UBAC2: variants seen among roughly 807,000 people sequenced by gnomAD.
The protein encoded by UBAC2 is ubiquitin-associated domain-containing protein 2.
A neutral mutation model predicts 44.0 loss-of-function variants in UBAC2; 26 were observed. The ratio of observed to expected loss-of-function variants is 0.59; its 90% CI spans 0.43 to 0.82. UBAC2 has a LOEUF of 0.82. Ranked by LOEUF, UBAC2 falls within the 40% of genes least tolerant of loss-of-function variation. The probability of loss-of-function intolerance (pLI) is 0.00; values close to 1 mark genes in which losing one functional copy is unlikely to be tolerated. For missense variants in UBAC2, 329 were observed against 419.4 expected, an observed-to-expected ratio of 0.78 and a Z score of 1.88; for synonymous variants, 155 against 154.3, an observed-to-expected ratio of 1.00 and a Z score of -0.04.
rs1566510620 is a variant in UBAC2, at chr13:99,340,317, T to C, written c.562-3T>C. The C allele has an allele frequency of 6.2e-7, 1 of 1,613,004 alleles. No individual in the cohort carries two copies. ...ACAATCACATTGGACGTTTTTCTTC[T>C]AGATGTCCGGTCTGTGCTACGACAG... On this transcript the variant is annotated splice_polypyrimidine_tract_variant and splice_region_variant and intron_variant, in intron 6 of 8. Coordinates refer to ENST00000403766, the MANE Select transcript of UBAC2 (RefSeq NM_001144072.2).
chr13:99,380,788 A>G (rs1271644150), intron 8 of UBAC2, among the ~76,000 whole-genome samples: 1 of 152,252 alleles, frequency 6.6e-6, no homozygotes, highest in African/African-American at 2.4e-5. Flanking sequence ...CTGTGCTAAC[A>G]TTATTGCTAC....
At chr13:99,237,249 T>A (rs943010023) in intron 1 of UBAC2, among the ~76,000 whole-genome samples, 4 of 109,408 alleles carry the variant, frequency 3.7e-5, no homozygotes, top group Non-Finnish European at 7.5e-5. Context: ...AAGAAAATTT[T>A]ATGCGTATAT....
At chr13:99,383,310 T>C (rs1464522297) in intron 8 of UBAC2, among the ~76,000 whole-genome samples, 2 of 152,270 alleles carry the variant, frequency 1.3e-5, no homozygotes, top group African/African-American at 4.8e-5. Flanking sequence ...TCTAGGACAG[T>C]ACATATCTCT....
In UBAC2 at chr13:99,347,325, C is replaced by CG. The variant is rs2045002811; in HGVS notation, c.807+6760_807+6761insG. ...GACGTTACTATCCCCGGGCGCCCCC[C>CG]CCCCCCCCCAGGAAAAAAAAGGCAA... On this transcript the variant is annotated intron_variant, in intron 7 of 8. Transcript: ENST00000403766. Among the ~76,000 whole-genome samples the CG allele has an allele frequency of 5.1e-5, 4 of 77,934 alleles. 2 individuals are homozygous for CG. Among genetic ancestry groups the CG allele is most frequent in the Non-Finnish European group, 1.6e-4 (4 of 25,574 alleles). 51.1% of individuals were successfully genotyped at this position (77,934 alleles called of 152,430 possible).
chr13:99,211,530 C>T (rs990235800), intron 1 of UBAC2, among the ~76,000 whole-genome samples: 3 of 152,184 alleles, frequency 2.0e-5, no homozygotes, highest in African/African-American at 4.8e-5. Flanking sequence ...TAAAATACTA[C>T]GTGTTAGGCA....
At chr13:99,354,916 G>A (rs977411588) in intron 7 of UBAC2, among the ~76,000 whole-genome samples, 1 of 151,798 alleles carries the variant, frequency 6.6e-6, no homozygotes, top group African/African-American at 2.4e-5. Flanking sequence ...GGGAAAATCA[G>A]TAGTCCTTCA....
chr13:99,336,017 T>C (rs767758132), intron 6 of UBAC2, among the ~76,000 whole-genome samples: 1 of 151,452 alleles, frequency 6.6e-6, no homozygotes, highest in Non-Finnish European at 1.5e-5. Flanking sequence ...AAAAAAGAGA[T>C]AAAACTGGAT....
chr13:99,271,582 T>G (rs1482002704), intron 4 of UBAC2, among the ~76,000 whole-genome samples: 1 of 152,182 alleles, frequency 6.6e-6, no homozygotes, highest in Non-Finnish European at 1.5e-5. Flanking sequence ...TGTTGGCCTG[T>G]GCTTTCTTTT....
intron 4 of UBAC2, among the ~76,000 whole-genome samples, chr13:99,281,963 A>AT (rs1291550818): frequency 6.6e-6 from 1 of 152,218 alleles, no homozygotes; most frequent in Admixed American, 6.5e-5. Flanking sequence ...AGAAGTCTAC[A>AT]TGAAGCCACA....
intron 7 of UBAC2, among the ~76,000 whole-genome samples, chr13:99,365,636 T>C (rs1705018040): frequency 6.6e-6 from 1 of 152,208 alleles, no homozygotes; most frequent in Non-Finnish European, 1.5e-5. Flanking sequence ...ATCTGTGTAA[T>C]GTTTATGATT....
At chr13:99,222,966 A>T (rs1024332740) in intron 1 of UBAC2, among the ~76,000 whole-genome samples, 2 of 152,184 alleles carry the variant, frequency 1.3e-5, no homozygotes, top group Non-Finnish European at 2.9e-5. Context: ...AAGCCATCAG[A>T]CTTGGAGTTT....
intron 4 of UBAC2, among the ~76,000 whole-genome samples, chr13:99,280,832 T>C (rs8000756): frequency 2.4e-3 from 83 of 34,436 alleles, no homozygotes; most frequent in Non-Finnish European, 8.2e-3. Flanking sequence ...CTTCTTTCCC[T>C]CTCTCTCTCT....
At chr13:99,372,462 C>T (rs1320401236) in intron 8 of UBAC2, 1 of 152,730 alleles carries the variant, frequency 6.5e-6, no homozygotes, top group African/African-American at 2.4e-5. Context: ...ACTGCCTGTT[C>T]TGTTCAGGAT....
intron 3 of UBAC2, 113 bp from the exon 4 acceptor site, chr13:99,244,402 C>CACACATATGCATGTGTGTATATAA: frequency 3.5e-6 from 2 of 566,762 alleles, no homozygotes; most frequent in South Asian, 2.3e-5. Context: ...TGTGTATATA[C>CACACATATGCATGTGTGTATATAA]ACACACACAC....
chr13:99,234,981 A>G (rs891913798), intron 1 of UBAC2, among the ~76,000 whole-genome samples: 20 of 152,342 alleles, frequency 1.3e-4, no homozygotes, highest in Non-Finnish European at 1.2e-4. Flanking sequence ...TATAGTTTCT[A>G]AAATACCCTC....
intron 4 of UBAC2, among the ~76,000 whole-genome samples, chr13:99,275,836 G>A (rs2043874977): frequency 6.6e-6 from 1 of 152,006 alleles, no homozygotes; most frequent in African/African-American, 2.4e-5. Context: ...GATGACCATG[G>A]GCTCTGTCAT....
chr13:99,373,171 GT>G (rs58290528), intron 8 of UBAC2, among the ~76,000 whole-genome samples: 21,539 of 139,856 alleles, frequency 0.15, 1,708 homozygotes, highest in South Asian at 0.27. Flanking sequence ...CTTTTTTATT[GT>G]TTTTTTTTTT....
chr13:99,284,344 T>C (rs2043991696), intron 4 of UBAC2, among the ~76,000 whole-genome samples: 1 of 152,262 alleles, frequency 6.6e-6, no homozygotes, highest in Non-Finnish European at 1.5e-5. Context: ...CTGAAGAAAC[T>C]GCTGTTTCTT....
chr13:99,308,607 T>C (rs549565589), intron 4 of UBAC2: 1 of 152,346 alleles, frequency 6.6e-6, no homozygotes, highest in Non-Finnish European at 1.5e-5. Flanking sequence ...GGTAGGAATT[T>C]GTAACTCTGT....
Sources: gnomAD v4.1 joint callset for allele counts (sites outside exome capture counted in the v4.1 genomes callset) on GRCh38, gnomAD v4.1.1 for gene constraint, MANE v1.5 for transcripts, NCBI Gene and HGNC (gene_info 2026-07-23, HGNC 2026-07-21) for gene names.